The following RHCE variants were observed in gnomAD, a reference collection of about 807,000 sequenced individuals.
RHCE encodes the protein Rh blood group CcEe antigens, also known as blood group Rh(CE) polypeptide.
RHCE carries 22 observed loss-of-function variants against 43.8 expected under a neutral mutation model. The observed-to-expected ratio is 0.50, with a 90% CI of 0.36 to 0.72. The LOEUF (loss-of-function observed/expected upper bound fraction) is 0.72. Ranked by LOEUF, RHCE falls within the 30% of genes least tolerant of loss-of-function variation. The probability of loss-of-function intolerance (pLI) is 0.00; values close to 1 mark genes in which losing one functional copy is unlikely to be tolerated. For synonymous variants in RHCE, 156 were observed against 210.7 expected (o/e 0.74, Z 2.25); for missense variants, 385 against 525.4 (o/e 0.73, Z 2.61).
chr1:25,402,678 T>G lies in RHCE; in HGVS notation c.404A>C (p.Asn135Thr). 1 of 1,614,008 alleles carries G rather than the reference T, an allele frequency of 6.2e-7. No homozygotes were observed. The highest frequency in any genetic ancestry group is 8.5e-7 in the Non-Finnish European group (1 of 1,179,992). ...ISAGAVLGKV[N>T]LAQLVVMVLV... ...CACCATCACCACCAACTGCGCCAAGTTGACCTTCCCCAAGACAGCACCCGC... is the reference window on the plus strand; with the variant it reads ...CACCATCACCACCAACTGCGCCAAGGTGACCTTCCCCAAGACAGCACCCGC... Residue 135 changes from asparagine to threonine, a missense_variant, in exon 3 of 10, where the codon AAC (asparagine) becomes ACC (threonine). Physicochemically the swap from Asn to Thr is moderately conservative, Grantham distance 65 (BLOSUM62 0). Coordinates refer to ENST00000294413, the MANE Select transcript of RHCE (RefSeq NM_020485.8).
chr1:25,369,872 G>A (rs1369589991), intron 9 of RHCE, among the ~76,000 whole-genome samples: 1 of 149,784 alleles, frequency 6.7e-6, no homozygotes, highest in Non-Finnish European at 1.5e-5. Context: ...CTGAGTAACT[G>A]GGATTACAGG....
At chr1:25,418,820 G>T (rs1487352556) in intron 1 of RHCE, among the ~76,000 whole-genome samples, 1 of 152,206 alleles carries the variant, frequency 6.6e-6, no homozygotes, top group Admixed American at 6.5e-5. Flanking sequence ...CTGGGTTGTG[G>T]ACCCTCCTCT....
At position 25,384,771 on chromosome 1, in the gene RHCE, C is replaced by T. The variant is rs1421283052; in HGVS notation, c.1073+940G>A. Among the ~76,000 whole-genome samples the T allele has an allele frequency of 2.6e-5, 4 of 152,220 alleles. No individual in the cohort carries two copies. In the East Asian group the frequency reaches 5.8e-4, roughly 22 times the overall value. On this transcript the variant is annotated intron_variant, in intron 7 of 9. Coordinates refer to ENST00000294413, the MANE Select transcript of RHCE (RefSeq NM_020485.8). ...TCATCACCTGCTTCAGCCATTTTTA[C>T]AGCCAGGTTCCAGCCGGGTGACCTT...
At chr1:25,414,443 C>A (rs1294147409) in intron 1 of RHCE, among the ~76,000 whole-genome samples, 1 of 152,042 alleles carries the variant, frequency 6.6e-6, no homozygotes, top group African/African-American at 2.4e-5. Context: ...CTCAGGAGGC[C>A]GCCACCTCCT....
chr1:25,403,586 T>C (rs918003189), intron 2 of RHCE, among the ~76,000 whole-genome samples: 2 of 151,912 alleles, frequency 1.3e-5, no homozygotes, highest in African/African-American at 4.8e-5. Flanking sequence ...ACATACACCA[T>C]GAGCCTGTCA....
chr1:25,368,863 T>C lies in RHCE; in HGVS notation c.1227+1604A>G, dbSNP rs547925285. On this transcript the variant is annotated intron_variant, in intron 9 of 9. Coordinates refer to ENST00000294413, the MANE Select transcript of RHCE (RefSeq NM_020485.8). The stretch of plus-strand genomic sequence containing the variant: ...GCAAACTTCGCTTCCCAGGTTCAAG[T>C]GATTCTCCTGCCTCAGCCTCCCGAG... 8.7e-4 allele frequency among the ~76,000 whole-genome samples: 132 copies of C among 151,680 alleles called. 5 individuals carry two copies. Among genetic ancestry groups the C allele is most frequent in the African/African-American group, 2.4e-3 (97 of 41,098 alleles).
chr1:25,380,150 G>A (rs1645948990), intron 7 of RHCE, among the ~76,000 whole-genome samples: 1 of 142,924 alleles, frequency 7.0e-6, no homozygotes, highest in Non-Finnish European at 1.5e-5. Context: ...TACAACAGTG[G>A]AACAGGCATA....
chr1:25,424,580 G>T (rs2042791079), upstream of RHCE, among the ~76,000 whole-genome samples: 1 of 151,958 alleles, frequency 6.6e-6, no homozygotes, highest in Non-Finnish European at 1.5e-5. Flanking sequence ...TAGAGACAGG[G>T]TTTCACCACA....
chr1:25,369,833 A>G (rs1645552467), intron 9 of RHCE, among the ~76,000 whole-genome samples: 1 of 140,000 alleles, frequency 7.1e-6, no homozygotes, highest in Admixed American at 7.9e-5. Flanking sequence ...CTGCCTCCTG[A>G]TTTCAAGCGA....
At chr1:25,392,453 G>T (rs1211950583) in intron 3 of RHCE, among the ~76,000 whole-genome samples, 2 of 151,726 alleles carry the variant, frequency 1.3e-5, no homozygotes, top group African/African-American at 4.8e-5. Flanking sequence ...TAGAGATGGG[G>T]TTTCACCGTG....
Position 25,385,781 on chromosome 1 carries a change from G to A in RHCE, c.1003C>T (p.Leu335=). The change falls in exon 7 of 10, where the codon CTG becomes TTG. Residue 335 remains leucine, a synonymous_variant. Transcript: ENST00000294413. ...TAGGTGATCTCTCCAAGCAGACCCA[G>A]CAAGCTGAAGATGGAGTGCATGACG... ...ISVMHSIFSL[L]GLLGEITYIV... is the part of the protein sequence containing the mutation. The A allele has an allele frequency of 6.2e-7, 1 of 1,614,030 alleles. No homozygotes were observed.
At chr1:25,396,549 G>C (rs1307061063) in intron 3 of RHCE, among the ~76,000 whole-genome samples, 2 of 152,166 alleles carry the variant, frequency 1.3e-5, no homozygotes, top group African/African-American at 4.8e-5. Context: ...GGCCGGAGAG[G>C]CCTCAGGAAA....
At chr1:25,416,928 T>A (rs951418438) in intron 1 of RHCE, among the ~76,000 whole-genome samples, 16 of 149,454 alleles carry the variant, frequency 1.1e-4, no homozygotes, top group Admixed American at 1.3e-4. Flanking sequence ...TTTTTTTTTT[T>A]AATTAACTAT....
intron 8 of RHCE, among the ~76,000 whole-genome samples, chr1:25,373,116 C>T (rs138900189): frequency 0.011 from 1,719 of 151,706 alleles, 25 homozygotes; most frequent in Non-Finnish European, 0.017. Flanking sequence ...CACCAGTTTG[C>T]TCATGTCAAA....
chr1:25,385,030 A>G (rs1341900265), intron 7 of RHCE, among the ~76,000 whole-genome samples: 1 of 152,214 alleles, frequency 6.6e-6, no homozygotes, highest in Non-Finnish European at 1.5e-5. Context: ...TTCATTTTAT[A>G]TAAGCCATGT....
chr1:25,386,230 C>G (rs2124399318), intron 6 of RHCE, among the ~76,000 whole-genome samples: 1 of 152,308 alleles, frequency 6.6e-6, no homozygotes, highest in African/African-American at 2.4e-5. Context: ...GGTCTCTCCC[C>G]ACGAGCTGCC....
intron 1 of RHCE, among the ~76,000 whole-genome samples, chr1:25,429,216 G>A (rs749293361): frequency 2.8e-5 from 4 of 144,312 alleles, no homozygotes; most frequent in African/African-American, 5.4e-5. Flanking sequence ...TCTACTTCCT[G>A]GGAAGTTTTT....
At chr1:25,413,689 C>T (rs1347807529) in intron 1 of RHCE, among the ~76,000 whole-genome samples, 1 of 151,584 alleles carries the variant, frequency 6.6e-6, no homozygotes, top group Non-Finnish European at 1.5e-5. Context: ...ACGTTCCAGG[C>T]ACTGTTCTAC....
chr1:25,401,231 T>C (rs1212431379), intron 3 of RHCE, among the ~76,000 whole-genome samples: 1 of 152,176 alleles, frequency 6.6e-6, no homozygotes, highest in African/African-American at 2.4e-5. Flanking sequence ...AATTACTCCC[T>C]CAAAACCCTA....
Sources: gnomAD v4.1 joint callset for allele counts (sites outside exome capture counted in the v4.1 genomes callset) on GRCh38, gnomAD v4.1.1 for gene constraint, MANE v1.5 for transcripts, NCBI Gene and HGNC (gene_info 2026-07-23, HGNC 2026-07-21) for gene names.